Variants in TMTC2 observed in about 807,000 individuals in gnomAD.
TMTC2 encodes protein O-mannosyl-transferase TMTC2.
TMTC2 carries 43 observed loss-of-function variants against 82.4 expected under a neutral mutation model. That is an observed-to-expected ratio of 0.52 (90% CI 0.41 to 0.67). The LOEUF (loss-of-function observed/expected upper bound fraction) is 0.67. TMTC2 is among the 30% of genes least tolerant of loss of function. The pLI, the probability that TMTC2 is intolerant of heterozygous loss-of-function variation, is 0.00. For missense variants in TMTC2, 919 were observed against 1,012.4 expected (o/e 0.91, Z 1.25); for synonymous variants, 408 against 381.9 (o/e 1.07, Z -0.80).
chr12:82,903,481 G>A (rs1428957702), intron 3 of TMTC2, among the ~76,000 whole-genome samples: 1 of 152,078 alleles, frequency 6.6e-6, no homozygotes, highest in Non-Finnish European at 1.5e-5. Context: ...GCGCGATCTC[G>A]CCTCACTGCA....
At chr12:83,029,405 C>T (rs887231810) in intron 8 of TMTC2, among the ~76,000 whole-genome samples, 3 of 152,102 alleles carry the variant, frequency 2.0e-5, no homozygotes, top group Non-Finnish European at 4.4e-5. Context: ...TCCAATGTGG[C>T]CCAGGGAAGC....
chr12:82,725,627 G>C (rs1874412255), intron 1 of TMTC2, among the ~76,000 whole-genome samples: 1 of 152,188 alleles, frequency 6.6e-6, no homozygotes, highest in African/African-American at 2.4e-5. Flanking sequence ...CTGAGAACAT[G>C]TGCCAAGGTG....
intron 9 of TMTC2, among the ~76,000 whole-genome samples, chr12:83,038,934 T>A (rs930097282): frequency 6.8e-6 from 1 of 147,144 alleles, no homozygotes; most frequent in South Asian, 2.2e-4. Context: ...TTGGTTTTTT[T>A]TTTTTTTTTT....
At chr12:82,811,785 T>C (rs1868404262) in intron 1 of TMTC2, among the ~76,000 whole-genome samples, 1 of 151,002 alleles carries the variant, frequency 6.6e-6, no homozygotes, top group African/African-American at 2.4e-5. Flanking sequence ...TTATTTGAAG[T>C]TTTCTTTTCC....
chr12:83,016,367 T>A (rs937629247), intron 8 of TMTC2, among the ~76,000 whole-genome samples: 3 of 152,220 alleles, frequency 2.0e-5, no homozygotes, highest in African/African-American at 7.2e-5. Context: ...TGAGTCAGCG[T>A]AAGTATGCCT....
intron 2 of TMTC2, among the ~76,000 whole-genome samples, chr12:82,892,900 A>T (rs1873467029): frequency 6.6e-6 from 1 of 152,156 alleles, no homozygotes; most frequent in South Asian, 2.1e-4. Context: ...CAATTATGTG[A>T]TTGATCCGAT....
intron 10 of TMTC2, among the ~76,000 whole-genome samples, chr12:83,059,161 G>A (rs1882649476): frequency 6.6e-6 from 1 of 151,796 alleles, no homozygotes; most frequent in Non-Finnish European, 1.5e-5. Flanking sequence ...TATGGTTGAA[G>A]TTCTTGACAA....
At position 82,939,373 on chromosome 12, in the gene TMTC2, AT is replaced by A. The variant is rs142978021; in HGVS notation, c.1598+8829del. ...AACTTTAATTTCTATATAGAAAAAA[AT>A]CCCTAAGTTCTCTAATTTAAGCCCT... On this transcript the variant is annotated intron_variant, in intron 4 of 11. Coordinates refer to ENST00000321196, the MANE Select transcript of TMTC2 (RefSeq NM_152588.3). Among the ~76,000 whole-genome samples the A allele has an allele frequency of 5.7e-3, 870 of 152,228 alleles. 11 individuals are homozygous for A. The highest frequency in any genetic ancestry group is 0.02 in the African/African-American group (831 of 41,552).
At chr12:83,106,730 A>G (rs1028597722) in intron 11 of TMTC2, among the ~76,000 whole-genome samples, 6 of 152,192 alleles carry the variant, frequency 3.9e-5, no homozygotes, top group Non-Finnish European at 5.9e-5. Context: ...GATAGAAGAC[A>G]ATGGAATAGT....
At chr12:82,849,802 A>G (rs1337258095) in intron 1 of TMTC2, among the ~76,000 whole-genome samples, 1 of 152,174 alleles carries the variant, frequency 6.6e-6, no homozygotes. Context: ...TTCAGGTATG[A>G]TTGGATCCGG....
At chr12:83,005,357 G>T (rs1235510720) in intron 8 of TMTC2, among the ~76,000 whole-genome samples, 1 of 147,680 alleles carries the variant, frequency 6.8e-6, no homozygotes, top group Non-Finnish European at 1.5e-5. Context: ...AAAGAGTAAT[G>T]GCTGGCCGAT....
chr12:82,978,393 C>G (rs1371813638), intron 7 of TMTC2, among the ~76,000 whole-genome samples: 1 of 151,558 alleles, frequency 6.6e-6, no homozygotes, highest in Non-Finnish European at 1.5e-5. Flanking sequence ...ACTCATTTTT[C>G]TAAAACATAC....
intron 1 of TMTC2, among the ~76,000 whole-genome samples, chr12:82,706,967 C>G (rs768764817): frequency 2.0e-5 from 3 of 152,170 alleles, no homozygotes; most frequent in Non-Finnish European, 4.4e-5. Flanking sequence ...TTGCTACTTT[C>G]AATTGGTGCT....
At chr12:82,732,144 A>C (rs574111240) in intron 1 of TMTC2, among the ~76,000 whole-genome samples, 1 of 152,284 alleles carries the variant, frequency 6.6e-6, no homozygotes, top group East Asian at 1.9e-4. Flanking sequence ...TGTATTTAAA[A>C]ATTATTTAGC....
intron 1 of TMTC2, among the ~76,000 whole-genome samples, chr12:82,774,908 GTCTTTAGGTAT>G (rs1188987769): frequency 2.0e-5 from 3 of 152,024 alleles, no homozygotes; most frequent in Non-Finnish European, 2.9e-5. Context: ...GTGAGAAACA[GTCTTTAGGTAT>G]TCACGTCCTC....
intron 4 of TMTC2, among the ~76,000 whole-genome samples, chr12:82,959,449 C>T (rs1426794813): frequency 6.6e-6 from 1 of 152,088 alleles, no homozygotes; most frequent in South Asian, 2.1e-4. Context: ...ATAACCAAAA[C>T]AGCATGGTAC....
At chr12:83,000,893 C>G (rs1439507032) in intron 8 of TMTC2, among the ~76,000 whole-genome samples, 1 of 152,180 alleles carries the variant, frequency 6.6e-6, no homozygotes, top group Non-Finnish European at 1.5e-5. Context: ...AGGCTCAACA[C>G]CACATGGAAG....
At chr12:82,832,286 T>A (rs1201662078) in intron 1 of TMTC2, among the ~76,000 whole-genome samples, 1 of 151,972 alleles carries the variant, frequency 6.6e-6, no homozygotes, top group Non-Finnish European at 1.5e-5. Flanking sequence ...GTAAGATTTC[T>A]TGCTAAACTT....
intron 1 of TMTC2, among the ~76,000 whole-genome samples, chr12:82,729,002 C>T (rs1050118850): frequency 7.9e-5 from 12 of 152,360 alleles, no homozygotes; most frequent in East Asian, 3.9e-4. Context: ...CCTGAGCCTC[C>T]GCCCTCACCC....
Sources: allele counts gnomAD v4.1 joint callset (sites outside exome capture counted in the v4.1 genomes callset), GRCh38; gene constraint gnomAD v4.1.1; transcripts MANE v1.5; gene names NCBI Gene and HGNC (gene_info 2026-07-23, HGNC 2026-07-21).